SBK1: variants seen among roughly 807,000 people sequenced by gnomAD.
SBK1 encodes the protein serine/threonine-protein kinase SBK1.
Under a neutral mutation model 24.4 loss-of-function variants are expected in SBK1, and 11 were observed. That is an observed-to-expected ratio of 0.45 (90% CI 0.28 to 0.75). SBK1 has a LOEUF of 0.75. Among genes scored for constraint, SBK1 ranks in the 30% least tolerant of loss-of-function variants. The pLI is 0.12. For missense variants in SBK1, 467 were observed against 620.5 expected, an observed-to-expected ratio of 0.75 and a Z score of 2.63; for synonymous variants, 308 against 284.4, an observed-to-expected ratio of 1.08 and a Z score of -0.83.
At chr16:28,270,936 T>C (rs1192299695) in intron 1 of SBK1, among the ~76,000 whole-genome samples, 1 of 152,080 alleles carries the variant, frequency 6.6e-6, no homozygotes, top group Non-Finnish European at 1.5e-5. Flanking sequence ...TGCTCTCCGC[T>C]CACTGCAAGC....
At chr16:28,280,120 T>TATATAA (rs1298145266) in intron 1 of SBK1, among the ~76,000 whole-genome samples, 1 of 52,862 alleles carries the variant, frequency 1.9e-5, no homozygotes, top group Non-Finnish European at 3.8e-5. Context: ...AAAAACTATA[T>TATATAA]ATATATATAT....
chr16:28,306,405 T>C (rs2044717072), intron 1 of SBK1, among the ~76,000 whole-genome samples: 1 of 152,238 alleles, frequency 6.6e-6, no homozygotes, highest in South Asian at 2.1e-4. Flanking sequence ...ATATACTTCC[T>C]TTTTGGCTTA....
Position 28,293,043 on chromosome 16 carries a change from G to A in SBK1, c.-265G>A, listed in dbSNP as rs2044612717. On this transcript the variant is annotated 5_prime_UTR_variant, in exon 1 of 4. Transcript: ENST00000341901. ...CCAGCTCAGAACGCCCCTAGATCAG[G>A]GGATCCCAATTCCCCCCAACTCCGG... 2.0e-6 allele frequency: 2 copies of A among 985,504 alleles called. No individual in the cohort carries two copies. The highest frequency in any genetic ancestry group is 1.7e-5 in the African/African-American group (1 of 57,228). The allele number at this position is 985,504 out of a possible 1,614,324, so 61.0% of individuals were successfully genotyped here. A position where few individuals can be genotyped will look rare whatever the true frequency, so the allele number is the denominator to read the frequency against.
Position 28,270,548 on chromosome 16 carries a change from C to T in SBK1, c.257+11046C>T, listed in dbSNP as rs116760788. The stretch of plus-strand genomic sequence containing the variant: ...CCAAATGATCCTCCTATCTGAGCCT[C>T]CTGGGTACCTGGGACCACAGGCAGT... On this transcript the variant is annotated intron_variant, in intron 1 of 3. Coordinates refer to the SBK1 transcript ENST00000671413. Among the ~76,000 whole-genome samples, 442 of 151,972 alleles carry T rather than the reference C, an allele frequency of 2.9e-3. 2 individuals carry two copies. Among genetic ancestry groups the T allele is most frequent in the African/African-American group, 0.01 (424 of 41,478 alleles).
chr16:28,302,580 C>T (rs184822266), intron 1 of SBK1, among the ~76,000 whole-genome samples: 36 of 152,196 alleles, frequency 2.4e-4, no homozygotes, highest in African/African-American at 6.7e-4. Context: ...GGCAGGTGGG[C>T]GGGCAGGTGC....
chr16:28,292,403 C>G (rs2044605823), upstream of SBK1: 2 of 404,960 alleles, frequency 4.9e-6, no homozygotes, highest in Non-Finnish European at 6.6e-6. Context: ...GGCGGGTGAG[C>G]GCGCTTGCGC....
intron 1 of SBK1, among the ~76,000 whole-genome samples, chr16:28,301,221 C>T (rs1329752335): frequency 2.0e-5 from 3 of 152,214 alleles, no homozygotes; most frequent in African/African-American, 4.8e-5. Context: ...GGGGCTGCCC[C>T]GGGCCCTGCA....
At chr16:28,307,309 C>T (rs1045160287) in intron 1 of SBK1, among the ~76,000 whole-genome samples, 2 of 152,218 alleles carry the variant, frequency 1.3e-5, no homozygotes, top group Non-Finnish European at 2.9e-5. Flanking sequence ...AACTGAGGCA[C>T]AGAGTGGTCA....
intron 1 of SBK1, among the ~76,000 whole-genome samples, chr16:28,267,023 C>G (rs2044433450): frequency 6.6e-6 from 1 of 152,132 alleles, no homozygotes; most frequent in Non-Finnish European, 1.5e-5. Flanking sequence ...TCTCCTGCCT[C>G]AGCCTCCTGA....
intron 1 of SBK1, among the ~76,000 whole-genome samples, chr16:28,312,065 C>T (rs1596552555): frequency 6.6e-6 from 1 of 152,376 alleles, no homozygotes; most frequent in East Asian, 1.9e-4. Context: ...GCTGTATGCA[C>T]GTGGACCGCC....
rs1212491452 is a variant in SBK1 at position 28,323,145 on chromosome 16, C to A, written c.*2224C>A. Reference sequence around the variant, plus strand: ...GCCAGCCTCCAGCCTGACCCCAGAGCAGAACCGGAACACCAGGTTGGGGCC... The same window carrying A: ...GCCAGCCTCCAGCCTGACCCCAGAGAAGAACCGGAACACCAGGTTGGGGCC... On this transcript the variant is annotated 3_prime_UTR_variant, in exon 4 of 4. Coordinates refer to ENST00000341901, the MANE Select transcript of SBK1 (RefSeq NM_001024401.3). 1 of 149,694 alleles carries A rather than the reference C, an allele frequency of 6.7e-6. No homozygotes were observed. The highest frequency in any genetic ancestry group is 2.5e-5 in the African/African-American group (1 of 40,216). The allele number at this position is 149,694 out of a possible 1,614,324, so 9.3% of individuals were successfully genotyped here. A position where few individuals can be genotyped will look rare whatever the true frequency, so the allele number is the denominator to read the frequency against.
At chr16:28,274,340 C>T (rs1843227786) in intron 1 of SBK1, among the ~76,000 whole-genome samples, 1 of 152,116 alleles carries the variant, frequency 6.6e-6, no homozygotes, top group Non-Finnish European at 1.5e-5. Flanking sequence ...CTGAAAGTCT[C>T]TTGGTCAATT....
chr16:28,281,889 G>A (rs956899686), intron 1 of SBK1, among the ~76,000 whole-genome samples: 6 of 152,136 alleles, frequency 3.9e-5, no homozygotes, highest in African/African-American at 1.2e-4. Flanking sequence ...AAATGGACCG[G>A]GCTGGGAAGA....
At chr16:28,266,638 C>T (rs1348123231) in intron 1 of SBK1, among the ~76,000 whole-genome samples, 1 of 151,906 alleles carries the variant, frequency 6.6e-6, no homozygotes, top group Non-Finnish European at 1.5e-5. Context: ...TTTCCATCTT[C>T]CAAAAGGTAC....
At chr16:28,280,115 C>CTACA (rs2044520624) in intron 1 of SBK1, among the ~76,000 whole-genome samples, 1 of 29,456 alleles carries the variant, frequency 3.4e-5, no homozygotes, top group African/African-American at 1.1e-4. Context: ...TTGAAAAAAA[C>CTACA]TATATATATA....
At chr16:28,263,720 C>T in intron 1 of SBK1, among the ~76,000 whole-genome samples, 1 of 152,152 alleles carries the variant, frequency 6.6e-6, no homozygotes, top group East Asian at 1.9e-4. Context: ...ATATTTCAGG[C>T]TATGCTTGGG....
chr16:28,284,976 TCA>T (rs1431560252), intron 1 of SBK1: 4 of 152,316 alleles, frequency 2.6e-5, no homozygotes, highest in Admixed American at 2.0e-4. Flanking sequence ...AGATAGGGTC[TCA>T]CTCTGTTGCC....
chr16:28,268,176 T>C (rs1160017164), intron 1 of SBK1, among the ~76,000 whole-genome samples: 2 of 152,178 alleles, frequency 1.3e-5, no homozygotes, highest in African/African-American at 4.8e-5. Flanking sequence ...ATCCAGTTTT[T>C]GTTTCATAGT....
intron 1 of SBK1, among the ~76,000 whole-genome samples, chr16:28,263,052 G>C (rs1055882382): frequency 1.3e-5 from 2 of 152,170 alleles, no homozygotes; most frequent in Non-Finnish European, 2.9e-5. Context: ...ACCAAAGCTG[G>C]AAATGGCCTC....
Sources: allele counts gnomAD v4.1 joint callset (sites outside exome capture counted in the v4.1 genomes callset), GRCh38; gene constraint gnomAD v4.1.1; transcripts MANE v1.5; gene names NCBI Gene and HGNC (gene_info 2026-07-23, HGNC 2026-07-21).